The following PIP5K1A variants were observed in gnomAD, a reference collection of about 807,000 sequenced individuals.
PIP5K1A encodes phosphatidylinositol-4-phosphate 5-kinase type 1 alpha.
PIP5K1A carries 46 observed loss-of-function variants against 72.9 expected under a neutral mutation model. The observed-to-expected ratio is 0.63, with a 90% CI of 0.50 to 0.81. The LOEUF is 0.81. Among genes scored for constraint, PIP5K1A ranks in the 30% least tolerant of loss-of-function variants. The pLI is 0.00. For synonymous variants in PIP5K1A, 228 were observed against 255.1 expected (o/e 0.89, Z 1.01); for missense variants, 458 against 706.1 (o/e 0.65, Z 3.98).
At chr1:151,233,101 A>G (rs1570949508) in intron 7 of PIP5K1A, among the ~76,000 whole-genome samples, 1 of 144,118 alleles carries the variant, frequency 6.9e-6, no homozygotes, top group East Asian at 2.0e-4. Context: ...CTCCGTCTCA[A>G]AAAAAAAAAA....
chr1:151,223,040 C>T (rs1688608425), intron 1 of PIP5K1A, among the ~76,000 whole-genome samples: 1 of 151,592 alleles, frequency 6.6e-6, no homozygotes, highest in Non-Finnish European at 1.5e-5. Flanking sequence ...TGGTGAAACC[C>T]TCTCTCTTCT....
At chr1:151,215,292 C>G in intron 1 of PIP5K1A, among the ~76,000 whole-genome samples, 1 of 152,046 alleles carries the variant, frequency 6.6e-6, no homozygotes, top group East Asian at 1.9e-4. Flanking sequence ...CCCGCCTTGG[C>G]CTCCCAAAGT....
rs974262859 is a variant in PIP5K1A at position 151,203,537 on chromosome 1, A to C, written c.85+4456A>C. On this transcript the variant is annotated intron_variant, in intron 1 of 15. Coordinates refer to ENST00000368888, the MANE Select transcript of PIP5K1A (RefSeq NM_001135638.2). ...AGAGTGAAACTCCATCTCAAAAAAAAAAAAAAGGCCAGGAGCAGTAGCTCA... is the reference window on the plus strand; with the variant it reads ...AGAGTGAAACTCCATCTCAAAAAAACAAAAAAGGCCAGGAGCAGTAGCTCA... Among the ~76,000 whole-genome samples, 3 of 151,176 alleles carry C rather than the reference A, an allele frequency of 2.0e-5. 1 individual carries two copies.
At chr1:151,230,090 G>GAA (rs752753134) in intron 4 of PIP5K1A, among the ~76,000 whole-genome samples, 3 of 146,728 alleles carry the variant, frequency 2.0e-5, no homozygotes, top group African/African-American at 7.5e-5. Flanking sequence ...TCCGTCTCAA[G>GAA]AAAAAAAAAA....
At position 151,234,285 on chromosome 1, in the gene PIP5K1A, T is replaced by C; in HGVS notation, c.728T>C (p.Val243Ala). The change falls in exon 8 of 16, where the codon GTG becomes GCG. Residue 243 changes from valine (V) to alanine (A), a missense_variant. Physicochemically the swap from Val to Ala is moderately conservative, Grantham distance 64 (BLOSUM62 0). Around this residue, in one of 3 missense-constraint regions of PIP5K1A, gnomAD observed 220 missense variants for 442.6 expected, o/e 0.50. Transcript: ENST00000368888. ...GGTGGCAAGAACATTCGGATTGTGG[T>C]GATGAACAATCTTTTACCAAGATCG... ...QAGGKNIRIV[V>A]MNNLLPRSVK... 6.2e-7 allele frequency: 1 copy of C among 1,613,368 alleles called. No individual in the cohort carries two copies.
intron 1 of PIP5K1A, among the ~76,000 whole-genome samples, chr1:151,220,899 C>T (rs587687403): frequency 6.6e-6 from 1 of 152,282 alleles, no homozygotes; most frequent in Admixed American, 6.5e-5. Flanking sequence ...TACTTAAGAA[C>T]GTATTAATAC....
At chr1:151,242,074 ATAGTTGCTAAGG>A (rs1691815930) in intron 12 of PIP5K1A, 37 bp from the exon 13 acceptor site, 2 of 1,593,842 alleles carry the variant, frequency 1.3e-6, no homozygotes, top group Non-Finnish European at 8.6e-7. Flanking sequence ...TGTCTTGGTA[ATAGTTGCTAAGG>A]TAGTTGCTAA....
At chr1:151,208,878 G>A (rs587711788) in intron 1 of PIP5K1A, among the ~76,000 whole-genome samples, 29 of 151,226 alleles carry the variant, frequency 1.9e-4, no homozygotes, top group African/African-American at 6.8e-4. Flanking sequence ...GACTACAGGC[G>A]CCTGCTACCA....
At position 151,236,098 on chromosome 1, in the gene PIP5K1A, C is replaced by T. The variant is rs933522024; in HGVS notation, c.940-460C>T. 7.1e-5 allele frequency among the ~76,000 whole-genome samples: 10 copies of T among 141,088 alleles called. No individual in the cohort carries two copies. The South Asian group carries it at 1.8e-3, about 25-fold the overall frequency. 92.6% of individuals were successfully genotyped at this position (141,088 alleles called of 152,430 possible). On this transcript the variant is annotated intron_variant, in intron 8 of 15. Coordinates refer to ENST00000368888, the MANE Select transcript of PIP5K1A (RefSeq NM_001135638.2). ...ATCGCGCCACTGTACTCCAGCCTGG[C>T]GACAAAGCAAGACTCCGTCTCAAAA...
intron 1 of PIP5K1A, among the ~76,000 whole-genome samples, chr1:151,209,940 G>C (rs751966723): frequency 2.1e-4 from 32 of 151,846 alleles, no homozygotes; most frequent in Non-Finnish European, 1.6e-4. Flanking sequence ...TTGATGTGCA[G>C]TGGTGCAATC....
rs587737554 is a variant in PIP5K1A, at chr1:151,221,698, A to G, written c.86-2547A>G. On this transcript the variant is annotated intron_variant, in intron 1 of 15. Transcript: ENST00000368888. ...ATAATGTATTCCTACAGTATTTTTC[A>G]CAAAGACACTAGAAAACATTTTCTG... Among the ~76,000 whole-genome samples, 8 of 152,348 alleles carry G rather than the reference A, an allele frequency of 5.3e-5. No homozygotes were observed. The East Asian group carries it at 1.5e-3, about 29-fold the overall frequency.
At chr1:151,222,028 A>G (rs1431159752) in intron 1 of PIP5K1A, among the ~76,000 whole-genome samples, 1 of 152,230 alleles carries the variant, frequency 6.6e-6, no homozygotes, top group Non-Finnish European at 1.5e-5. Flanking sequence ...AAGGGGCTGC[A>G]GTGAGCAGAG....
At position 151,219,906 on chromosome 1, in the gene PIP5K1A, G is replaced by T. The variant is rs117911994; in HGVS notation, c.86-4339G>T. ...GGGTCTCCCTATGTTGCTCGAGCTG[G>T]TCTCGAACTCCTGGGCTCAATTAAT... On this transcript the variant is annotated intron_variant, in intron 1 of 15. Transcript: ENST00000368888. Among the ~76,000 whole-genome samples the T allele has an allele frequency of 9.7e-3, 1,398 of 144,610 alleles. 65 individuals are homozygous for T. Among genetic ancestry groups the T allele is most frequent in the Admixed American group, 0.078 (1,076 of 13,818 alleles). The allele number at this position is 144,610 out of a possible 152,430, so 94.9% of individuals were successfully genotyped here.
At chr1:151,214,605 T>C (rs1186745512) in intron 1 of PIP5K1A, among the ~76,000 whole-genome samples, 3 of 152,148 alleles carry the variant, frequency 2.0e-5, no homozygotes, top group African/African-American at 7.2e-5. Context: ...GGTCTCGAAC[T>C]CCTGACCTCA....
rs587605216 is a variant in PIP5K1A at position 151,243,763 on chromosome 1, C to A, written c.1640+1196C>A. 9.1e-4 allele frequency among the ~76,000 whole-genome samples: 138 copies of A among 152,152 alleles called. 1 individual carries two copies. Among genetic ancestry groups the A allele is most frequent in the Non-Finnish European group, 3.2e-4 (22 of 67,984 alleles). On this transcript the variant is annotated intron_variant, in intron 14 of 15. Transcript: ENST00000368888. Reference sequence around the variant, plus strand: ...TTGTACTGTTTCTGTCCTTTTTGATCCAAGATGGCAGTGTTTCTACTGATA... The same window carrying A: ...TTGTACTGTTTCTGTCCTTTTTGATACAAGATGGCAGTGTTTCTACTGATA...
At chr1:151,220,944 GTATAA>G (rs1277299064) in intron 1 of PIP5K1A, among the ~76,000 whole-genome samples, 1 of 152,218 alleles carries the variant, frequency 6.6e-6, no homozygotes, top group Non-Finnish European at 1.5e-5. Flanking sequence ...GGATGGGAGA[GTATAA>G]TATAACTACA....
At chr1:151,238,133 C>T in intron 9 of PIP5K1A, 49 bp from the exon 10 acceptor site, 2 of 1,241,988 alleles carry the variant, frequency 1.6e-6, no homozygotes, top group South Asian at 2.4e-5. Context: ...CCTGATCTGA[C>T]TAAACTAGCC....
At chr1:151,239,920 C>CCGA in intron 11 of PIP5K1A, 35 bp from the exon 12 acceptor site, 1 of 1,429,614 alleles carries the variant, frequency 7.0e-7, no homozygotes. Context: ...TCTTGCCGGG[C>CCGA]CTCCTAACTC....
At chr1:151,221,862 A>C (rs866953655) in intron 1 of PIP5K1A, among the ~76,000 whole-genome samples, 10 of 152,090 alleles carry the variant, frequency 6.6e-5, no homozygotes, top group South Asian at 2.1e-4. Flanking sequence ...ACTTGAATCC[A>C]GGAGTTTGAG....
Sources: gnomAD v4.1 joint callset for allele counts (sites outside exome capture counted in the v4.1 genomes callset) on GRCh38, gnomAD v4.1.1 for gene constraint, gnomAD v4.1.1 regional missense constraint, MANE v1.5 for transcripts, NCBI Gene and HGNC (gene_info 2026-07-23, HGNC 2026-07-21) for gene names.